The following UMAD1 variants were observed in gnomAD, a reference collection of about 807,000 sequenced individuals.
The protein encoded by UMAD1 is UBAP1-MVB12-associated (UMA) domain containing 1.
UMAD1 carries 8 observed loss-of-function variants against 6.1 expected under a neutral mutation model. That is an observed-to-expected ratio of 1.30 (90% CI 0.76 to 2.35). The LOEUF (loss-of-function observed/expected upper bound fraction) is 2.35. UMAD1 is among the 30% of genes most tolerant of loss of function. UMAD1 has a pLI of 0.00. For synonymous variants in UMAD1, 56 were observed against 31.4 expected, an observed-to-expected ratio of 1.78 and a Z score of -2.61; for missense variants, 130 against 78.4, an observed-to-expected ratio of 1.66 and a Z score of -2.49.
intron 2 of UMAD1, among the ~76,000 whole-genome samples, chr7:7,759,720 A>G (rs1268433945): frequency 6.6e-6 from 1 of 152,186 alleles, no homozygotes; most frequent in African/African-American, 2.4e-5. Flanking sequence ...TTAAAGGTGT[A>G]TGACAATTAG....
At chr7:7,685,604 G>A (rs1173527631) in intron 2 of UMAD1, among the ~76,000 whole-genome samples, 4 of 152,156 alleles carry the variant, frequency 2.6e-5, no homozygotes, top group African/African-American at 4.8e-5. Flanking sequence ...CACCGTGCCC[G>A]GCCACATTAA....
At chr7:7,697,064 C>G (rs536184150) in intron 2 of UMAD1, among the ~76,000 whole-genome samples, 2 of 152,104 alleles carry the variant, frequency 1.3e-5, no homozygotes, top group South Asian at 4.1e-4. Context: ...CAGGAACGGT[C>G]TTGTGGTAGA....
At chr7:7,662,515 AG>A (rs914760459) in intron 1 of UMAD1, among the ~76,000 whole-genome samples, 1 of 152,060 alleles carries the variant, frequency 6.6e-6, no homozygotes, top group Non-Finnish European at 1.5e-5. Flanking sequence ...TCCGGACCGG[AG>A]TGCACTGTTC....
intron 2 of UMAD1, among the ~76,000 whole-genome samples, chr7:7,703,947 G>A (rs114869679): frequency 2.1e-3 from 317 of 151,988 alleles, no homozygotes; most frequent in African/African-American, 7.4e-3. Context: ...CTTAACAAAG[G>A]AAAGAAAGAA....
At chr7:7,705,068 A>G (rs1461715522) in intron 2 of UMAD1, among the ~76,000 whole-genome samples, 1 of 152,140 alleles carries the variant, frequency 6.6e-6, no homozygotes, top group Non-Finnish European at 1.5e-5. Context: ...TCTTTCTGGC[A>G]TTGTTATTAT....
chr7:7,696,444 C>G (rs974521280), intron 2 of UMAD1, among the ~76,000 whole-genome samples: 4 of 152,208 alleles, frequency 2.6e-5, no homozygotes, highest in Middle Eastern at 6.8e-3. Flanking sequence ...AAGTCCTGAG[C>G]TTAGCCACTG....
At position 7,684,672 on chromosome 7, in the gene UMAD1, T is replaced by G. The variant is rs190663440; in HGVS notation, c.82+11219T>G. Among the ~76,000 whole-genome samples the G allele has an allele frequency of 1.5e-3, 221 of 152,350 alleles. 1 individual carries two copies. The highest frequency in any genetic ancestry group is 5.2e-3 in the African/African-American group (217 of 41,576). On this transcript the variant is annotated intron_variant, in intron 2 of 3. Coordinates refer to ENST00000682710, the MANE Select transcript of UMAD1 (RefSeq NM_001302348.2). ...GCATTTTATTAAATTAATTATACAA[T>G]GTGAATTCCAACTGATCTATGACTC...
chr7:7,677,676 T>G lies in UMAD1; in HGVS notation c.82+4223T>G, dbSNP rs1388688215. Among the ~76,000 whole-genome samples, 86 of 137,370 alleles carry G rather than the reference T, an allele frequency of 6.3e-4. 3 individuals are homozygous for G. Among genetic ancestry groups the G allele is most frequent in the Middle Eastern group, 7.1e-3 (2 of 282 alleles). 90.1% of individuals were successfully genotyped at this position (137,370 alleles called of 152,430 possible). A position where few individuals can be genotyped will look rare whatever the true frequency, so the allele number is the denominator to read the frequency against. Reference sequence around the variant, plus strand: ...CATCTGTTTTTTTGTTTTTTTTTTTTTTTTTTTTTTTTTTTGAGACGGAGT... The same window carrying G: ...CATCTGTTTTTTTGTTTTTTTTTTTGTTTTTTTTTTTTTTTGAGACGGAGT... On this transcript the variant is annotated intron_variant, in intron 2 of 3. Transcript: ENST00000682710.
chr7:7,685,739 C>G (rs1277951804), intron 2 of UMAD1: 1 of 152,068 alleles, frequency 6.6e-6, no homozygotes, highest in Non-Finnish European at 1.5e-5. Context: ...TATTCTAAAG[C>G]TTTTTAATAA....
chr7:7,664,227 A>G (rs1583708184), intron 1 of UMAD1, among the ~76,000 whole-genome samples: 1 of 152,042 alleles, frequency 6.6e-6, no homozygotes, highest in African/African-American at 2.4e-5. Flanking sequence ...CTTATTCATA[A>G]TACCACTTTT....
chr7:7,784,421 C>T (rs1251168315), intron 2 of UMAD1, among the ~76,000 whole-genome samples: 1 of 151,240 alleles, frequency 6.6e-6, no homozygotes, highest in Non-Finnish European at 1.5e-5. Context: ...CTGCAAGCTC[C>T]GCCTCCCGGG....
In UMAD1 at chr7:7,836,257, T is replaced by C. The variant is rs556642998; in HGVS notation, c.156+34514T>C. 1.2e-4 allele frequency among the ~76,000 whole-genome samples: 18 copies of C among 152,120 alleles called. No individual in the cohort carries two copies. In the East Asian group the frequency reaches 3.5e-3, roughly 29 times the overall value. ...CATATTACTTTATAAATGTCTTCAG[T>C]ATATTCTTAAGCTCTTGGATATTTA... On this transcript the variant is annotated intron_variant, in intron 3 of 3. Coordinates refer to ENST00000682710, the MANE Select transcript of UMAD1 (RefSeq NM_001302348.2).
rs1279565975 is a variant in UMAD1, at chr7:7,801,695, G to A, written c.108G>A (p.Met36Ile). ...GAGATACAACAGATGAGCAAAGAAT[G>A]ACAGCAAGAGGCAAAACTTCGGACA... ...LLGDTTDEQRMTARGKTSDIE... is the reference protein window; with the variant it reads ...LLGDTTDEQRITARGKTSDIE... Residue 36 changes from methionine (M) to isoleucine (I), a missense_variant, in exon 3 of 4, where the codon ATG becomes ATA. Met to Ile is a conservative substitution (Grantham distance 10, BLOSUM62 1). Coordinates refer to ENST00000682710, the MANE Select transcript of UMAD1 (RefSeq NM_001302348.2). 1 of 717,942 alleles carries A rather than the reference G, an allele frequency of 1.4e-6. No homozygotes were observed. The highest frequency in any genetic ancestry group is 1.7e-5 in the African/African-American group (1 of 57,270). The allele number at this position is 717,942 out of a possible 1,614,324, so 44.5% of individuals were successfully genotyped here. A position where few individuals can be genotyped will look rare whatever the true frequency, so the allele number is the denominator to read the frequency against.
Position 7,692,809 on chromosome 7 carries a change from A to T in UMAD1, c.82+19356A>T, listed in dbSNP as rs1464948614. On this transcript the variant is annotated intron_variant, in intron 2 of 3. Coordinates refer to ENST00000682710, the MANE Select transcript of UMAD1 (RefSeq NM_001302348.2). ...ATTTTTAGTAGAGACGGGGTTCACC[A>T]TGTTGGTCAGGATGGTCTTGATCTC... is the stretch of plus-strand genomic sequence containing the variant. Among the ~76,000 whole-genome samples, 5 of 152,228 alleles carry T rather than the reference A, an allele frequency of 3.3e-5. No homozygotes were observed. The East Asian group carries it at 9.7e-4, about 29-fold the overall frequency.
chr7:7,672,620 G>A (rs1389634360), intron 1 of UMAD1, among the ~76,000 whole-genome samples: 3 of 152,178 alleles, frequency 2.0e-5, no homozygotes, highest in Non-Finnish European at 2.9e-5. Context: ...GTTCTCATGA[G>A]ATCTGATGGT....
intron 3 of UMAD1, among the ~76,000 whole-genome samples, chr7:7,834,014 T>C (rs1233071864): frequency 9.7e-6 from 1 of 103,130 alleles, no homozygotes; most frequent in Non-Finnish European, 1.9e-5. Flanking sequence ...TCTTTTTCTT[T>C]TCTTTTTTTT....
intron 2 of UMAD1, among the ~76,000 whole-genome samples, chr7:7,762,640 A>C (rs17550316): frequency 0.014 from 2,127 of 152,296 alleles, 16 homozygotes; most frequent in Middle Eastern, 0.037. Flanking sequence ...ATGCATATGC[A>C]ACTGCTCCAG....
intron 2 of UMAD1, among the ~76,000 whole-genome samples, chr7:7,771,898 A>C (rs907004513): frequency 6.6e-6 from 1 of 152,128 alleles, no homozygotes; most frequent in African/African-American, 2.4e-5. Flanking sequence ...ATTCTTAACA[A>C]CTATTTTTGT....
chr7:7,797,459 C>T (rs1782709331), intron 2 of UMAD1, among the ~76,000 whole-genome samples: 1 of 152,122 alleles, frequency 6.6e-6, no homozygotes, highest in South Asian at 2.1e-4. Flanking sequence ...GCCCCATCAC[C>T]CACCTACCAC....
Sources: allele counts gnomAD v4.1 joint callset (sites outside exome capture counted in the v4.1 genomes callset), GRCh38; gene constraint gnomAD v4.1.1; transcripts MANE v1.5; gene names NCBI Gene and HGNC (gene_info 2026-07-23, HGNC 2026-07-21).